Variants in TMEM164 observed in about 807,000 individuals in gnomAD.
The protein encoded by TMEM164 is RP13-360B22.2.
A neutral mutation model predicts 18.8 loss-of-function variants in TMEM164; 4 were observed. The observed-to-expected ratio is 0.21, with a 90% CI of 0.10 to 0.49. The LOEUF is 0.49. Ranked by LOEUF, TMEM164 falls within the 20% of genes least tolerant of loss-of-function variation. The pLI is 0.98. For missense variants in TMEM164, 108 were observed against 239.9 expected, an observed-to-expected ratio of 0.45 and a Z score of 3.63; for synonymous variants, 86 against 101.7, an observed-to-expected ratio of 0.85 and a Z score of 0.93.
At chrX:110,123,272 T>A in intron 4 of TMEM164, among the ~76,000 whole-genome samples, 1 of 112,543 alleles carries the variant, frequency 8.9e-6, no homozygotes, top group Non-Finnish European at 1.9e-5. Context: ...CTCATTTCTC[T>A]ATATGTCTAT....
intron 3 of TMEM164, among the ~76,000 whole-genome samples, chrX:110,077,143 TG>T (rs2065683545): frequency 8.9e-6 from 1 of 112,491 alleles, no homozygotes; most frequent in African/African-American, 3.2e-5. Flanking sequence ...GCTCCAATGT[TG>T]GGTGCATATA....
chrX:110,028,812 C>G (rs1027892669), intron 2 of TMEM164, among the ~76,000 whole-genome samples: 1 of 111,745 alleles, frequency 8.9e-6, no homozygotes, highest in Admixed American at 9.5e-5. Context: ...AATCACCTTA[C>G]CTTATTTTTT....
chrX:110,096,952 G>A (rs2066031153), intron 3 of TMEM164, among the ~76,000 whole-genome samples: 1 of 111,805 alleles, frequency 8.9e-6, no homozygotes, highest in Non-Finnish European at 1.9e-5. Flanking sequence ...AGATCCAGGG[G>A]TTTATAGAAA....
intron 3 of TMEM164, among the ~76,000 whole-genome samples, chrX:110,092,997 T>C (rs2065955507): frequency 8.9e-6 from 1 of 112,052 alleles, no homozygotes; most frequent in African/African-American, 3.2e-5. Context: ...ATTCTGTTTA[T>C]ATGACGGGTT....
chrX:110,052,556 A>C (rs1475959596), intron 2 of TMEM164, among the ~76,000 whole-genome samples: 1 of 111,588 alleles, frequency 9.0e-6, no homozygotes, highest in Non-Finnish European at 1.9e-5. Context: ...CAAGTACCTG[A>C]TGAGCATCTC....
chrX:110,079,767 A>G (rs1286917803), intron 3 of TMEM164, among the ~76,000 whole-genome samples: 2 of 105,716 alleles, frequency 1.9e-5, no homozygotes, highest in Non-Finnish European at 1.9e-5. Context: ...GTAGTCTGCC[A>G]CTGCAGGCTT....
At chrX:110,045,342 G>A (rs1935273883) in intron 2 of TMEM164, among the ~76,000 whole-genome samples, 1 of 112,069 alleles carries the variant, frequency 8.9e-6, no homozygotes, top group Non-Finnish European at 1.9e-5. Context: ...AGGGGGCTAA[G>A]TTTTTAGGGT....
chrX:110,060,266 G>GAAAAAAAAAAAAAAA (rs140796343), intron 2 of TMEM164, among the ~76,000 whole-genome samples: 6 of 51,481 alleles, frequency 1.2e-4, no homozygotes, highest in Non-Finnish European at 1.7e-4. Flanking sequence ...GACCCTGTCT[G>GAAAAAAAAAAAAAAA]AAAAAAAAAA....
intron 3 of TMEM164, among the ~76,000 whole-genome samples, chrX:110,092,620 G>A (rs1212862965): frequency 8.9e-6 from 1 of 111,825 alleles, no homozygotes; most frequent in Non-Finnish European, 1.9e-5. Context: ...CTGAGATGAT[G>A]GGGTTTTCTA....
intron 2 of TMEM164, among the ~76,000 whole-genome samples, chrX:110,061,583 G>T (rs1031492597): frequency 8.9e-6 from 1 of 111,877 alleles, no homozygotes; most frequent in Non-Finnish European, 1.9e-5. Context: ...CTCAGTGGTT[G>T]GTCAACCCCA....
downstream of TMEM164, chrX:110,182,626 A>G (rs1337287937): frequency 8.9e-6 from 1 of 111,778 alleles, no homozygotes; most frequent in Non-Finnish European, 1.9e-5. Context: ...GTGAAGCCCA[A>G]TGTGTCCTGA....
intron 3 of TMEM164, among the ~76,000 whole-genome samples, chrX:110,078,703 C>G (rs894381479): frequency 5.4e-5 from 6 of 111,332 alleles, no homozygotes; most frequent in Non-Finnish European, 7.5e-5. Flanking sequence ...CCTGTAATTC[C>G]AGCTACTCAG....
intron 2 of TMEM164, among the ~76,000 whole-genome samples, chrX:110,028,045 A>G (rs1403605142): frequency 1.8e-5 from 2 of 111,867 alleles, no homozygotes; most frequent in Non-Finnish European, 3.8e-5. Flanking sequence ...CTACTGATTC[A>G]ATTTCTTTAA....
At chrX:110,031,690 CATA>C (rs1039036234) in intron 2 of TMEM164, among the ~76,000 whole-genome samples, 2 of 109,615 alleles carry the variant, frequency 1.8e-5, no homozygotes, top group Admixed American at 9.8e-5. Flanking sequence ...TTAATTAATC[CATA>C]ATATTTTATA....
intron 5 of TMEM164, among the ~76,000 whole-genome samples, chrX:110,153,339 G>T (rs1191952875): frequency 8.9e-6 from 1 of 111,808 alleles, no homozygotes; most frequent in African/African-American, 3.3e-5. Flanking sequence ...TCTATTCAGG[G>T]ATGTATTCCT....
intron 2 of TMEM164, among the ~76,000 whole-genome samples, chrX:110,039,101 G>A (rs1934979749): frequency 8.9e-6 from 1 of 111,737 alleles, no homozygotes; most frequent in Non-Finnish European, 1.9e-5. Flanking sequence ...GTAAAATGGG[G>A]ATAATAATGC....
intron 3 of TMEM164, among the ~76,000 whole-genome samples, chrX:110,075,401 G>A (rs777276556): frequency 6.6e-4 from 73 of 111,341 alleles, no homozygotes; most frequent in Non-Finnish European, 1.3e-3. Context: ...TATCGTCAGT[G>A]AAGAGAAGAT....
intron 3 of TMEM164, among the ~76,000 whole-genome samples, chrX:110,098,950 A>ATTTTTTTTT (rs772519388): frequency 2.0e-3 from 167 of 84,929 alleles, no homozygotes; most frequent in Non-Finnish European, 2.7e-3. Context: ...CACCCGGCTA[A>ATTTTTTTTT]TTTTTTTTTT....
intron 2 of TMEM164, among the ~76,000 whole-genome samples, chrX:110,058,143 T>G (rs542881115): frequency 7.2e-5 from 8 of 111,371 alleles, no homozygotes; most frequent in African/African-American, 2.6e-4. Context: ...AAGATAAGAG[T>G]CTGATTTCAT....
Sources: allele counts gnomAD v4.1 joint callset (sites outside exome capture counted in the v4.1 genomes callset), GRCh38; gene constraint gnomAD v4.1.1; transcripts MANE v1.5; gene names NCBI Gene and HGNC (gene_info 2026-07-23, HGNC 2026-07-21).